The following ROS1 variants were observed in gnomAD, a reference collection of about 807,000 sequenced individuals.
The protein encoded by ROS1 is ROS proto-oncogene 1, receptor tyrosine kinase.
In ROS1, 263 loss-of-function variants were observed where a neutral mutation model predicts 273.5. The ratio of observed to expected loss-of-function variants is 0.96; its 90% CI spans 0.87 to 1.06. The LOEUF is 1.06. Ranked by LOEUF, ROS1 falls within the 50% of genes least tolerant of loss-of-function variation. The pLI is 0.00. For synonymous variants in ROS1, 1,008 were observed against 954.1 expected (o/e 1.06, Z -1.04); for missense variants, 2,833 against 2,751.1 (o/e 1.03, Z -0.67).
chr6:117,342,170 A>G (rs1356992255), intron 29 of ROS1, among the ~76,000 whole-genome samples: 1 of 152,126 alleles, frequency 6.6e-6, no homozygotes, highest in East Asian at 1.9e-4. Flanking sequence ...TATTGATTTC[A>G]ATGTTTTACC....
intron 13 of ROS1, among the ~76,000 whole-genome samples, chr6:117,388,826 T>G (rs922501608): frequency 7.9e-5 from 12 of 152,194 alleles, no homozygotes; most frequent in Admixed American, 2.0e-4. Flanking sequence ...ATATTCCCCA[T>G]TTCCAGGTGT....
At chr6:117,340,113 C>T (rs1476730155) in intron 31 of ROS1, among the ~76,000 whole-genome samples, 1 of 152,152 alleles carries the variant, frequency 6.6e-6, no homozygotes, top group African/African-American at 2.4e-5. Flanking sequence ...TTTTAAAAGG[C>T]ACTCCTCCAA....
Position 117,383,416 on chromosome 6 carries a change from T to G in ROS1, c.2382A>C (p.Gly794=), listed in dbSNP as rs770900094. Reference sequence around the variant, plus strand: ...AATAGAGTGTGGTCCAGTAGAGATATCCACCAACTGAATCCACCACCATGT... The same window carrying G: ...AATAGAGTGTGGTCCAGTAGAGATAGCCACCAACTGAATCCACCACCATGT... ...VNDMVVDSVG[G]YLYWTTLYSV... Residue 794 remains glycine (G), a synonymous_variant, in exon 17 of 44, where the codon GGA becomes GGC. Coordinates refer to ENST00000368507, the MANE Select transcript of ROS1 (RefSeq NM_001378902.1). 1 of 1,613,918 alleles carries G rather than the reference T, an allele frequency of 6.2e-7. No individual in the cohort carries two copies. The highest frequency in any genetic ancestry group is 8.5e-7 in the Non-Finnish European group (1 of 1,179,918).
At position 117,394,182 on chromosome 6, in the gene ROS1, A is replaced by G. The variant is rs145259410; in HGVS notation, c.1171T>C (p.Tyr391His). 1.4e-3 allele frequency: 2,286 copies of G among 1,592,754 alleles called. 3 individuals are homozygous for G. The highest frequency in any genetic ancestry group is 1.8e-3 in the Non-Finnish European group (2,161 of 1,171,040). The change falls in exon 11 of 44, where the codon TAT (tyrosine) becomes CAT (histidine). Residue 391 changes from tyrosine (Y) to histidine (H), a missense_variant. Coordinates refer to ENST00000368507, the MANE Select transcript of ROS1 (RefSeq NM_001378902.1). ...ISIDWLYQRM[Y>H]FIMDELVCVC... ...CTAACCAGTTCATCCATGATGAAAT[A>G]CATTCTTTGATAAAGCCAATCTATG... is the stretch of plus-strand genomic sequence containing the variant.
In ROS1 at chr6:117,301,144, A is replaced by G; in HGVS notation, c.6552-7T>C. ...CTGGGTCATTAAATTCCACCTAAAT[A>G]TATGGGGAAAGATGGGAAAGTAAAT... On this transcript the variant is annotated splice_region_variant and splice_polypyrimidine_tract_variant and intron_variant, in intron 42 of 43. Coordinates refer to ENST00000368507, the MANE Select transcript of ROS1 (RefSeq NM_001378902.1). 3 of 1,573,784 alleles carry G rather than the reference A, an allele frequency of 1.9e-6. No homozygotes were observed. The highest frequency in any genetic ancestry group is 1.2e-5 in the South Asian group (1 of 80,356).
chr6:117,381,549 A>G (rs923700276), intron 17 of ROS1, among the ~76,000 whole-genome samples: 7 of 152,024 alleles, frequency 4.6e-5, no homozygotes, highest in African/African-American at 1.4e-4. Context: ...CTCCATCCAA[A>G]TTGCTGCAAA....
chr6:117,300,883 AC>A, intron 43 of ROS1, 90 bp downstream of exon 43: 1 of 990,316 alleles, frequency 1.0e-6, no homozygotes, highest in Non-Finnish European at 1.4e-6. Flanking sequence ...CTTTTTGCCT[AC>A]CCCAAAATGC....
intron 5 of ROS1, 84 bp downstream of exon 5, chr6:117,409,498 G>T: frequency 2.2e-6 from 2 of 913,176 alleles, no homozygotes; most frequent in South Asian, 1.3e-5. Flanking sequence ...AAGATGTTTT[G>T]AGAGGTGTTT....
chr6:117,320,352 G>T (rs1486097739), intron 36 of ROS1, among the ~76,000 whole-genome samples: 1 of 152,018 alleles, frequency 6.6e-6, no homozygotes, highest in African/African-American at 2.4e-5. Flanking sequence ...AACTTCTTCA[G>T]ATTGCCAATT....
intron 42 of ROS1, chr6:117,301,384 T>C: frequency 3.0e-6 from 1 of 329,954 alleles, no homozygotes; most frequent in Non-Finnish European, 5.5e-6. Flanking sequence ...TCCAAATAAA[T>C]AGATGGATAA....
chr6:117,394,936 T>C (rs1211247076), intron 9 of ROS1, among the ~76,000 whole-genome samples, 198 bp from the exon 10 acceptor site: 1 of 152,212 alleles, frequency 6.6e-6, no homozygotes, highest in Non-Finnish European at 1.5e-5. Context: ...GGAAGTACAG[T>C]AACAATCAAA....
rs1779457836 is a variant in ROS1 at position 117,357,856 on chromosome 6, T to A, written c.3787A>T (p.Ile1263Phe). ...HKVKYPREVK[I>F]HNRNSTIISF... ...ATTATTGTTGAATTCCTATTGTGAA[T>A]CTTCACCTCTCTGGGATATTTCACC... Residue 1263 changes from isoleucine (I) to phenylalanine (F), a missense_variant, in exon 25 of 44, where the codon ATT becomes TTT. Physicochemically the swap from Ile to Phe is conservative, Grantham distance 21. Coordinates refer to ENST00000368507, the MANE Select transcript of ROS1 (RefSeq NM_001378902.1). 1 of 1,613,476 alleles carries A rather than the reference T, an allele frequency of 6.2e-7. No individual in the cohort carries two copies. The highest frequency in any genetic ancestry group is 1.1e-5 in the South Asian group (1 of 91,050).
intron 42 of ROS1, among the ~76,000 whole-genome samples, chr6:117,304,270 ATAT>A (rs1352313276): frequency 6.6e-6 from 1 of 152,226 alleles, no homozygotes; most frequent in Non-Finnish European, 1.5e-5. Flanking sequence ...TTGAAATGAG[ATAT>A]TATAATCGAT....
chr6:117,339,801 G>A (rs1483311901), intron 31 of ROS1, among the ~76,000 whole-genome samples: 1 of 152,100 alleles, frequency 6.6e-6, no homozygotes, highest in Non-Finnish European at 1.5e-5. Flanking sequence ...ATCTCTGTCT[G>A]CTGTCCTTCT....
chr6:117,409,611 G>C lies in ROS1; in HGVS notation c.287C>G (p.Ala96Gly), dbSNP rs145609658. 4 of 1,613,848 alleles carry C rather than the reference G, an allele frequency of 2.5e-6. No homozygotes were observed. The highest frequency in any genetic ancestry group is 1.1e-5 in the South Asian group (1 of 91,070). Residue 96 changes from alanine to glycine, a missense_variant, in exon 5 of 44, where the codon GCG becomes GGG. Coordinates refer to ENST00000368507, the MANE Select transcript of ROS1 (RefSeq NM_001378902.1). ...RESCEVGCSS[A>G]EGAYEEEVLE... Reference sequence around the variant, plus strand: ...TACTTCCTCTTCATATGCACCTTCCGCGCTGCTACAGCCAACCTCACACGA... The same window carrying C: ...TACTTCCTCTTCATATGCACCTTCCCCGCTGCTACAGCCAACCTCACACGA...
intron 9 of ROS1, among the ~76,000 whole-genome samples, 179 bp downstream of exon 9, chr6:117,396,009 T>A (rs962754631): frequency 2.0e-5 from 3 of 152,166 alleles, no homozygotes; most frequent in Non-Finnish European, 4.4e-5. Flanking sequence ...CTTACTTTAA[T>A]TCATCAAATA....
chr6:117,350,075 C>G (rs966205615), intron 27 of ROS1, among the ~76,000 whole-genome samples: 4 of 151,924 alleles, frequency 2.6e-5, no homozygotes, highest in African/African-American at 9.7e-5. Flanking sequence ...CTTATTTATT[C>G]TCTAATGCTC....
At chr6:117,350,498 G>A (rs1200559378) in intron 27 of ROS1, among the ~76,000 whole-genome samples, 1 of 151,688 alleles carries the variant, frequency 6.6e-6, no homozygotes, top group East Asian at 1.9e-4. Flanking sequence ...TATTCTTTGA[G>A]CTTCCCATAC....
chr6:117,393,469 A>G, intron 11 of ROS1, 148 bp from the exon 12 acceptor site: 2 of 598,880 alleles, frequency 3.3e-6, no homozygotes, highest in Non-Finnish European at 5.8e-6. Flanking sequence ...AAAAGCCCTT[A>G]AACGACAGTT....
Sources: allele counts gnomAD v4.1 joint callset (sites outside exome capture counted in the v4.1 genomes callset), GRCh38; gene constraint gnomAD v4.1.1; transcripts MANE v1.5; gene names NCBI Gene and HGNC (gene_info 2026-07-23, HGNC 2026-07-21).